TNIK: variants seen among roughly 807,000 people sequenced by gnomAD.
TNIK encodes TRAF2 and NCK-interacting protein kinase.
A neutral mutation model predicts 191.3 loss-of-function variants in TNIK; 49 were observed. That is an observed-to-expected ratio of 0.26 (90% CI 0.20 to 0.32). The LOEUF is 0.32. Ranked by LOEUF, TNIK falls within the 10% of genes least tolerant of loss-of-function variation. The probability of loss-of-function intolerance (pLI) is 1.00; values close to 1 mark genes in which losing one functional copy is unlikely to be tolerated. For missense variants in TNIK, 1,155 were observed against 1,702.3 expected (o/e 0.68, Z 5.66); for synonymous variants, 594 against 600.9 (o/e 0.99, Z 0.17).
intron 2 of TNIK, among the ~76,000 whole-genome samples, chr3:171,294,491 T>C (rs890295956): frequency 1.3e-5 from 2 of 151,898 alleles, no homozygotes; most frequent in African/African-American, 4.8e-5. Flanking sequence ...GAAGCTGAGG[T>C]GGGTGGATCT....
intron 2 of TNIK, among the ~76,000 whole-genome samples, chr3:171,238,132 T>A (rs1267108923): frequency 6.6e-6 from 1 of 152,174 alleles, no homozygotes; most frequent in Non-Finnish European, 1.5e-5. Flanking sequence ...CTGCATATTG[T>A]TCTCTGGGAA....
Position 171,062,821 on chromosome 3 carries a change from G to A in TNIK, c.*1060C>T, listed in dbSNP as rs1035800638. ...TTCATCTTGAGAAAGTGGCACCCTC[G>A]GGAGAGCGCTGGGAATGTTCAGAGC... is the stretch of plus-strand genomic sequence containing the variant. On this transcript the variant is annotated 3_prime_UTR_variant, in exon 33 of 33. Coordinates refer to ENST00000436636, the MANE Select transcript of TNIK (RefSeq NM_015028.4). 1 of 152,056 alleles carries A rather than the reference G, an allele frequency of 6.6e-6. No homozygotes were observed. The highest frequency in any genetic ancestry group is 1.5e-5 in the Non-Finnish European group (1 of 68,018). The allele number at this position is 152,056 out of a possible 1,614,324, so 9.4% of individuals were successfully genotyped here. A position where few individuals can be genotyped will look rare whatever the true frequency, so the allele number is the denominator to read the frequency against.
At chr3:171,359,660 G>A (rs1222731336) in intron 2 of TNIK, among the ~76,000 whole-genome samples, 7 of 152,106 alleles carry the variant, frequency 4.6e-5, no homozygotes, top group South Asian at 4.2e-4. Context: ...TTTGCTTGCC[G>A]AACAGCAGAT....
chr3:171,154,485 A>G (rs957965333), intron 12 of TNIK, among the ~76,000 whole-genome samples: 1 of 152,112 alleles, frequency 6.6e-6, no homozygotes, highest in African/African-American at 2.4e-5. Flanking sequence ...ACGCTCCCCA[A>G]AATGAAAGTA....
At chr3:171,137,946 C>G (rs1387434606) in intron 15 of TNIK, among the ~76,000 whole-genome samples, 1 of 143,552 alleles carries the variant, frequency 7.0e-6, no homozygotes, top group Non-Finnish European at 1.5e-5. Context: ...CTATAAAAGT[C>G]CATTGCAACC....
At chr3:171,286,043 T>C (rs1214736618) in intron 2 of TNIK, among the ~76,000 whole-genome samples, 2 of 152,210 alleles carry the variant, frequency 1.3e-5, no homozygotes, top group African/African-American at 4.8e-5. Context: ...GTACACCCTA[T>C]GGCAAAATAA....
chr3:171,107,162 C>T (rs752929511), intron 21 of TNIK, 21 bp downstream of exon 21: 26 of 1,606,726 alleles, frequency 1.6e-5, no homozygotes, highest in Admixed American at 1.2e-4. Flanking sequence ...GAAAGCATGA[C>T]CAAGAAAAGG....
intron 2 of TNIK, among the ~76,000 whole-genome samples, chr3:171,284,991 G>A (rs1750863428): frequency 6.6e-6 from 1 of 152,178 alleles, no homozygotes; most frequent in Non-Finnish European, 1.5e-5. Context: ...GAAATGGAGA[G>A]CAGAGAAAAT....
chr3:171,067,834 C>T (rs1718663396), intron 30 of TNIK, among the ~76,000 whole-genome samples: 1 of 152,144 alleles, frequency 6.6e-6, no homozygotes, highest in Non-Finnish European at 1.5e-5. Flanking sequence ...CATAGTTACA[C>T]CTTAGCTGCC....
chr3:171,131,533 A>G (rs1364843131), intron 15 of TNIK, among the ~76,000 whole-genome samples: 1 of 152,138 alleles, frequency 6.6e-6, no homozygotes, highest in Non-Finnish European at 1.5e-5. Context: ...TTCAGTCGGT[A>G]CCATTCTAAA....
chr3:171,238,339 AAT>A (rs1744555845), intron 2 of TNIK, among the ~76,000 whole-genome samples: 2 of 152,064 alleles, frequency 1.3e-5, no homozygotes, highest in Non-Finnish European at 2.9e-5. Flanking sequence ...TAAAAATGAT[AAT>A]ATTGTATATA....
At chr3:171,290,178 T>G (rs893416286) in intron 2 of TNIK, among the ~76,000 whole-genome samples, 7 of 152,222 alleles carry the variant, frequency 4.6e-5, no homozygotes, top group Admixed American at 1.3e-4. Flanking sequence ...CAGTCGATCA[T>G]GCATCTTCCT....
rs996483781 is a variant in TNIK at position 171,353,642 on chromosome 3, TA to T, written c.123+15977del. Among the ~76,000 whole-genome samples, 15 of 152,020 alleles carry T rather than the reference TA, an allele frequency of 9.9e-5. No homozygotes were observed. In the South Asian group the frequency reaches 2.5e-3, roughly 25 times the overall value. On this transcript the variant is annotated intron_variant, in intron 2 of 32. Coordinates refer to ENST00000436636, the MANE Select transcript of TNIK (RefSeq NM_015028.4). ...CTGACTACAAGAGATGACTCAGGAT[TA>T]AAAAAAATAAAGAGATGGCTCTTAA...
At chr3:171,269,694 G>C (rs1013490045) in intron 2 of TNIK, among the ~76,000 whole-genome samples, 4 of 152,198 alleles carry the variant, frequency 2.6e-5, no homozygotes, top group Non-Finnish European at 5.9e-5. Context: ...TGTTACTTCA[G>C]AGCTTCCTAC....
chr3:171,205,266 C>T (rs574800178), intron 4 of TNIK, among the ~76,000 whole-genome samples: 25 of 152,188 alleles, frequency 1.6e-4, no homozygotes, highest in Non-Finnish European at 2.9e-4. Context: ...CATCAATCAA[C>T]TAGGAAAAGA....
In TNIK at chr3:171,345,434, GT is replaced by G. The variant is rs111487201; in HGVS notation, c.123+24185del. On this transcript the variant is annotated intron_variant, in intron 2 of 32. Coordinates refer to ENST00000436636, the MANE Select transcript of TNIK (RefSeq NM_015028.4). ...TGTTATTTTTAGGTGAAAACACCGA[GT>G]TTTTTTTTTTTCTTTACTTTTGCCA... Among the ~76,000 whole-genome samples, 119 of 147,894 alleles carry G rather than the reference GT, an allele frequency of 8.0e-4. 1 individual carries two copies. The highest frequency in any genetic ancestry group is 6.9e-3 in the Middle Eastern group (2 of 290).
At chr3:171,358,601 T>G (rs1284629746) in intron 2 of TNIK, among the ~76,000 whole-genome samples, 1 of 152,166 alleles carries the variant, frequency 6.6e-6, no homozygotes, top group Non-Finnish European at 1.5e-5. Context: ...TCTTTTAGGA[T>G]TCATACAAAA....
chr3:171,274,931 A>G (rs1489411494), intron 2 of TNIK, among the ~76,000 whole-genome samples: 1 of 152,216 alleles, frequency 6.6e-6, no homozygotes, highest in Non-Finnish European at 1.5e-5. Context: ...GCAAAACTTG[A>G]GATTCTTCGA....
intron 2 of TNIK, among the ~76,000 whole-genome samples, chr3:171,319,238 A>G (rs1036286024): frequency 1.3e-5 from 2 of 152,126 alleles, no homozygotes; most frequent in East Asian, 3.8e-4. Context: ...ATGAAATTCT[A>G]TCTTGAGAAA....
Sources: gnomAD v4.1 joint callset for allele counts (sites outside exome capture counted in the v4.1 genomes callset) on GRCh38, gnomAD v4.1.1 for gene constraint, MANE v1.5 for transcripts, NCBI Gene and HGNC (gene_info 2026-07-23, HGNC 2026-07-21) for gene names.